Variants in MGAT4C observed in about 807,000 individuals in gnomAD.
MGAT4C encodes MGAT4 family member C, also known as alpha-1,3-mannosyl-glycoprotein 4-beta-N-acetylglucosaminyltransferase C.
In MGAT4C, 19 loss-of-function variants were observed where a neutral mutation model predicts 40.1. The observed-to-expected ratio is 0.47, with a 90% CI of 0.33 to 0.70. The LOEUF is 0.70. MGAT4C is among the 30% of genes least tolerant of loss of function. The pLI is 0.02. For missense variants in MGAT4C, 491 were observed against 563.2 expected (o/e 0.87, Z 1.30); for synonymous variants, 181 against 187.1 (o/e 0.97, Z 0.27).
At chr12:86,008,686 T>A (rs949781028) in intron 2 of MGAT4C, among the ~76,000 whole-genome samples, 1 of 152,146 alleles carries the variant, frequency 6.6e-6, no homozygotes, top group African/African-American at 2.4e-5. Context: ...TTTGTTATGA[T>A]GTTAGGAAGA....
chr12:86,187,899 G>T (rs1888952860), intron 1 of MGAT4C, among the ~76,000 whole-genome samples: 1 of 151,914 alleles, frequency 6.6e-6, no homozygotes, highest in South Asian at 2.1e-4. Flanking sequence ...GAATTAGGAG[G>T]AAATTCTCTC....
intron 2 of MGAT4C, among the ~76,000 whole-genome samples, chr12:86,536,715 C>T (rs1219432304): frequency 1.3e-5 from 2 of 152,124 alleles, no homozygotes; most frequent in Admixed American, 1.3e-4. Context: ...CTGCCATACA[C>T]AGACAAATTT....
chr12:86,724,360 T>G (rs1314769964), intron 2 of MGAT4C, among the ~76,000 whole-genome samples: 1 of 152,204 alleles, frequency 6.6e-6, no homozygotes, highest in Non-Finnish European at 1.5e-5. Flanking sequence ...TAGGCATCTC[T>G]AATAATTTTC....
At chr12:86,803,213 T>C (rs1174742690) in intron 1 of MGAT4C, among the ~76,000 whole-genome samples, 2 of 150,550 alleles carry the variant, frequency 1.3e-5, no homozygotes, top group East Asian at 3.9e-4. Flanking sequence ...GCTAGCCATA[T>C]GTAGAAAGCT....
chr12:86,014,835 T>A (rs1054403291), intron 2 of MGAT4C, among the ~76,000 whole-genome samples: 1 of 152,038 alleles, frequency 6.6e-6, no homozygotes, highest in Non-Finnish European at 1.5e-5. Context: ...ATTATTATTA[T>A]TATTTTTTAT....
In MGAT4C at chr12:86,080,580, C is replaced by T. The variant is rs140577608; in HGVS notation, c.-56-30857G>A. Among the ~76,000 whole-genome samples, 919 of 152,240 alleles carry T rather than the reference C, an allele frequency of 6.0e-3. 6 individuals are homozygous for T. The highest frequency in any genetic ancestry group is 0.014 in the Admixed American group (210 of 15,284). ...ATAAAAACATGTCAGAGCGCACACA[C>T]GCTTGTGCACACACACACATGCACA... is the stretch of plus-strand genomic sequence containing the variant. On this transcript the variant is annotated intron_variant, in intron 1 of 4. Transcript: ENST00000611864.
intron 1 of MGAT4C, among the ~76,000 whole-genome samples, chr12:86,751,988 C>A (rs1951236700): frequency 6.6e-6 from 1 of 151,870 alleles, no homozygotes; most frequent in Non-Finnish European, 1.5e-5. Flanking sequence ...AGAATAAATG[C>A]TATTTATATT....
At chr12:86,207,236 C>T (rs934961225) in intron 1 of MGAT4C, among the ~76,000 whole-genome samples, 1 of 151,916 alleles carries the variant, frequency 6.6e-6, no homozygotes, top group Non-Finnish European at 1.5e-5. Flanking sequence ...ATTTCGCATG[C>T]ATCAAATGCC....
At chr12:86,349,699 A>G (rs553784543) in intron 3 of MGAT4C, among the ~76,000 whole-genome samples, 1 of 152,252 alleles carries the variant, frequency 6.6e-6, no homozygotes, top group South Asian at 2.1e-4. Flanking sequence ...TCTGGATCAC[A>G]TAGCCAGTAA....
At chr12:86,202,516 T>G (rs1385847712) in intron 1 of MGAT4C, among the ~76,000 whole-genome samples, 1 of 152,060 alleles carries the variant, frequency 6.6e-6, no homozygotes, top group Non-Finnish European at 1.5e-5. Flanking sequence ...TTTTTATCTT[T>G]GTGTGTTTCA....
intron 2 of MGAT4C, among the ~76,000 whole-genome samples, chr12:86,507,045 C>T (rs753512787): frequency 3.3e-5 from 5 of 151,992 alleles, no homozygotes; most frequent in South Asian, 2.1e-4. Flanking sequence ...GCTATCTTGA[C>T]GTCAGGTGGT....
intron 2 of MGAT4C, among the ~76,000 whole-genome samples, chr12:86,437,538 C>T (rs1053810057): frequency 6.6e-6 from 1 of 151,786 alleles, no homozygotes; most frequent in African/African-American, 2.4e-5. Flanking sequence ...TCTAGTTATT[C>T]TCAGTCTCTT....
intron 1 of MGAT4C, among the ~76,000 whole-genome samples, chr12:86,157,898 G>T (rs1339686660): frequency 6.6e-6 from 1 of 152,084 alleles, no homozygotes; most frequent in South Asian, 2.1e-4. Context: ...TGAGATTTGG[G>T]TGAGGACACA....
chr12:86,800,024 A>G (rs1393490875), intron 1 of MGAT4C, among the ~76,000 whole-genome samples: 1 of 151,956 alleles, frequency 6.6e-6, no homozygotes, highest in African/African-American at 2.4e-5. Flanking sequence ...TCTTTGGTTC[A>G]GTGCCCATTT....
chr12:86,401,589 C>CT (rs1442052977), intron 3 of MGAT4C, among the ~76,000 whole-genome samples: 1 of 152,060 alleles, frequency 6.6e-6, no homozygotes, highest in Non-Finnish European at 1.5e-5. Context: ...TGTTTATTCA[C>CT]TTTTTTTCCT....
chr12:86,629,540 C>G (rs1962952780), intron 2 of MGAT4C, among the ~76,000 whole-genome samples: 1 of 152,070 alleles, frequency 6.6e-6, no homozygotes, highest in Non-Finnish European at 1.5e-5. Context: ...GAACAGAAAT[C>G]ACAACAAACT....
At chr12:86,755,658 T>A (rs1184443804) in intron 1 of MGAT4C, among the ~76,000 whole-genome samples, 1 of 151,474 alleles carries the variant, frequency 6.6e-6, no homozygotes, top group Non-Finnish European at 1.5e-5. Context: ...TACCTTCCTT[T>A]CTTTTCTTTT....
intron 3 of MGAT4C, among the ~76,000 whole-genome samples, chr12:85,984,494 A>G (rs562703224): frequency 6.6e-6 from 1 of 152,286 alleles, no homozygotes; most frequent in South Asian, 2.1e-4. Context: ...AGGAAGGTTT[A>G]TATTCAAGAA....
At chr12:86,165,676 T>G (rs1008636080) in intron 1 of MGAT4C, among the ~76,000 whole-genome samples, 5 of 152,192 alleles carry the variant, frequency 3.3e-5, no homozygotes, top group Non-Finnish European at 7.4e-5. Flanking sequence ...CCAATGGAAT[T>G]TTAACTGAAA....
Sources: gnomAD v4.1 joint callset for allele counts (sites outside exome capture counted in the v4.1 genomes callset) on GRCh38, gnomAD v4.1.1 for gene constraint, MANE v1.5 for transcripts, NCBI Gene and HGNC (gene_info 2026-07-23, HGNC 2026-07-21) for gene names.